Variants in CANT1 observed in about 807,000 individuals in gnomAD.
CANT1 encodes the protein calcium activated nucleotidase 1.
A neutral mutation model predicts 30.0 loss-of-function variants in CANT1; 26 were observed. The ratio of observed to expected loss-of-function variants is 0.87; its 90% CI spans 0.64 to 1.20. The LOEUF is 1.20. Among genes scored for constraint, CANT1 ranks in the 50% most tolerant of loss-of-function variants. CANT1 has a pLI of 0.00. For missense variants in CANT1, 518 were observed against 563.0 expected, an observed-to-expected ratio of 0.92 and a Z score of 0.81; for synonymous variants, 246 against 251.8, an observed-to-expected ratio of 0.98 and a Z score of 0.22.
Position 78,996,307 on chromosome 17 carries a change from C to A in CANT1, c.631+685G>T, listed in dbSNP as rs1420411329. 6.6e-6 allele frequency among the ~76,000 whole-genome samples: 1 copy of A among 152,162 alleles called. No individual in the cohort carries two copies. The highest frequency in any genetic ancestry group is 2.4e-5 in the African/African-American group (1 of 41,444). ...GGTGGGGATCCACCGCCAGCTCAGA[C>A]AAACGGAGCTCAGAGGAGCTGGCAG... On this transcript the variant is annotated intron_variant, in intron 3 of 4. Coordinates refer to ENST00000392446, the MANE Select transcript of CANT1 (RefSeq NM_001159773.2). The surrounding 1 kb of genome is among the most constrained non-coding windows in gnomAD (Gnocchi z 5.1).
chr17:78,997,120 G>C lies in CANT1; in HGVS notation c.503C>G (p.Ser168Cys), dbSNP rs1286203128. ...TTTCCCATTGAAAACAATCAGGTCG[G>C]ATAGCTCCATGCCTCTCCCCTTCTC... The part of the protein sequence containing the change: ...LAEKGRGMEL[S>C]DLIVFNGKLY... The change falls in exon 3 of 5, where the codon TCC becomes TGC. Residue 168 changes from serine to cysteine, a missense_variant. By Grantham distance (112) the Ser-to-Cys change is moderately radical. Coordinates refer to ENST00000392446, the MANE Select transcript of CANT1 (RefSeq NM_001159773.2). The surrounding 1 kb of genome is among the most constrained non-coding windows in gnomAD (Gnocchi z 7.5). The C allele has an allele frequency of 6.2e-6, 10 of 1,614,176 alleles. No homozygotes were observed. The highest frequency in any genetic ancestry group is 8.5e-6 in the Non-Finnish European group (10 of 1,180,046).
In CANT1 at chr17:78,998,450, G is replaced by A. The variant is rs958984931; in HGVS notation, c.-146-487C>T. ...CTGCCCTGACTGCCTGGAGGCCAGC[G>A]TGTCTGTGCCTTGGCGCCAAAGAAC... On this transcript the variant is annotated intron_variant, in intron 1 of 4. Coordinates refer to ENST00000392446, the MANE Select transcript of CANT1 (RefSeq NM_001159773.2). This position sits in a 1 kb window ranked among gnomAD's most constrained non-coding sequence, Gnocchi z 4.5. 6.6e-6 allele frequency among the ~76,000 whole-genome samples: 1 copy of A among 152,252 alleles called. No homozygotes were observed. Among genetic ancestry groups the A allele is most frequent in the Admixed American group, 6.5e-5 (1 of 15,288 alleles).
rs981608053 is a variant in CANT1 at position 78,993,415 on chromosome 17, C to T, written c.*135G>A. 1 of 1,341,030 alleles carries T rather than the reference C, an allele frequency of 7.5e-7. No individual in the cohort carries two copies. The highest frequency in any genetic ancestry group is 1.0e-6 in the Non-Finnish European group (1 of 963,346). The allele number at this position is 1,341,030 out of a possible 1,614,324, so 83.1% of individuals were successfully genotyped here. On this transcript the variant is annotated 3_prime_UTR_variant, in exon 5 of 5. Coordinates refer to ENST00000392446, the MANE Select transcript of CANT1 (RefSeq NM_001159773.2). The surrounding 1 kb of genome is among the most constrained non-coding windows in gnomAD (Gnocchi z 4.5). ...GTCCAGTGCCCGCACCACTATGGGG[C>T]CCGGGACTGGGCTCCCTGTCCAGAC...
chr17:79,005,358 C>T (rs974549938), intron 1 of CANT1: 2 of 152,160 alleles, frequency 1.3e-5, no homozygotes, highest in Admixed American at 1.3e-4. Flanking sequence ...GAGAAGGGCT[C>T]AGGGGCCACC....
chr17:79,001,076 C>T (rs1257191668), intron 1 of CANT1, among the ~76,000 whole-genome samples: 1 of 152,194 alleles, frequency 6.6e-6, no homozygotes, highest in Non-Finnish European at 1.5e-5. Context: ...CCCCAAAGAT[C>T]GAGCTGCTCA....
intron 1 of CANT1, among the ~76,000 whole-genome samples, chr17:79,009,092 C>T (rs1331666055): frequency 6.7e-6 from 1 of 149,562 alleles, no homozygotes; most frequent in African/African-American, 2.5e-5. Context: ...CTAGCCAGAG[C>T]GGGGAGGCGT....
chr17:78,994,795 C>A (rs999982320), intron 4 of CANT1, among the ~76,000 whole-genome samples: 2 of 152,224 alleles, frequency 1.3e-5, no homozygotes, highest in Non-Finnish European at 2.9e-5. Flanking sequence ...TGGTGCACAC[C>A]TGTAGTCCCA....
chr17:78,997,282 T>G lies in CANT1; in HGVS notation c.341A>C (p.Asp114Ala). Reference sequence around the variant, plus strand: ...TTCCTCTTGGGCCCTTGACTCTGTGTCCAGGTCTGCGATAACTGCGATTCG... The same window carrying G: ...TTCCTCTTGGGCCCTTGACTCTGTGGCCAGGTCTGCGATAACTGCGATTCG... The part of the protein sequence containing the change: ...RYRIAVIADL[D>A]TESRAQEENT... The change falls in exon 3 of 5, where the codon GAC (aspartate) becomes GCC (alanine). Residue 114 changes from aspartate (D) to alanine (A), a missense_variant. Asp to Ala is a moderately radical substitution (Grantham distance 126). This residue lies in a region of CANT1 where 249 missense variants were observed against 268.8 expected (regional missense o/e 0.93). Transcript: ENST00000392446. This position sits in a 1 kb window ranked among gnomAD's most constrained non-coding sequence, Gnocchi z 7.5. 2 of 1,614,206 alleles carry G rather than the reference T, an allele frequency of 1.2e-6. No individual in the cohort carries two copies. Among genetic ancestry groups the G allele is most frequent in the Non-Finnish European group, 1.7e-6 (2 of 1,180,036 alleles).
At position 79,001,569 on chromosome 17, in the gene CANT1, G is replaced by A. The variant is rs552726494; in HGVS notation, c.-146-3606C>T. Among the ~76,000 whole-genome samples, 25 of 91,290 alleles carry A rather than the reference G, an allele frequency of 2.7e-4. No homozygotes were observed. In the South Asian group the frequency reaches 0.012, roughly 43 times the overall value. 59.9% of individuals were successfully genotyped at this position (91,290 alleles called of 152,430 possible). ...GGCACCTCTGTCCCTTCCCACCCCC[G>A]CCCAGGCCCCCTCGCCCACCATGGT... On this transcript the variant is annotated intron_variant, in intron 1 of 4. Coordinates refer to ENST00000392446, the MANE Select transcript of CANT1 (RefSeq NM_001159773.2).
intron 1 of CANT1, among the ~76,000 whole-genome samples, chr17:79,007,867 T>A (rs1314775112): frequency 6.6e-6 from 1 of 152,222 alleles, no homozygotes; most frequent in Non-Finnish European, 1.5e-5. Context: ...AAGCCTCAGA[T>A]GTGCCCCTCC....
chr17:78,995,007 G>A lies in CANT1; in HGVS notation c.835+11C>T. 6.4e-7 allele frequency: 1 copy of A among 1,556,668 alleles called. No individual in the cohort carries two copies. The highest frequency in any genetic ancestry group is 8.7e-7 in the Non-Finnish European group (1 of 1,151,862). ...GAAGCCACACTGTGGGCTGGGGCAG[G>A]CGTCTCTTACCTGGCGGCTGGATGC... On this transcript the variant is annotated intron_variant, in intron 4 of 4. Transcript: ENST00000392446. The surrounding 1 kb of genome is among the most constrained non-coding windows in gnomAD (Gnocchi z 5.7).
rs1195230756 is a variant in CANT1, at chr17:78,997,140, C to G, written c.483G>C (p.Lys161Asn). The change falls in exon 3 of 5, where the codon AAG (lysine) becomes AAC (asparagine). Residue 161 changes from lysine to asparagine, a missense_variant. Physicochemically the swap from Lys to Asn is moderately conservative, Grantham distance 94. Coordinates refer to ENST00000392446, the MANE Select transcript of CANT1 (RefSeq NM_001159773.2). The surrounding 1 kb of genome is among the most constrained non-coding windows in gnomAD (Gnocchi z 7.5). Reference protein sequence around the residue: ...HGVLESHLAEKGRGMELSDLI... With the variant: ...HGVLESHLAENGRGMELSDLI... ...GGTCGGATAGCTCCATGCCTCTCCC[C>G]TTCTCCGCCAGGTGGGACTCCAGGA... 1.6e-5 allele frequency: 26 copies of G among 1,614,100 alleles called. No individual in the cohort carries two copies. The highest frequency in any genetic ancestry group is 2.2e-5 in the Non-Finnish European group (26 of 1,180,066).
chr17:78,992,336 G>A lies in CANT1; in HGVS notation c.*1214C>T, dbSNP rs932354249. 3 of 242,566 alleles carry A rather than the reference G, an allele frequency of 1.2e-5. No individual in the cohort carries two copies. Among genetic ancestry groups the A allele is most frequent in the East Asian group, 6.0e-5 (1 of 16,746 alleles). 15.0% of individuals were successfully genotyped at this position (242,566 alleles called of 1,614,324 possible). ...TGGGGTAGGAGTGAGGGTGGGGGTC[G>A]GGGTGAGGTAGTGCTGTGGGGAGGG... is the stretch of plus-strand genomic sequence containing the variant. On this transcript the variant is annotated 3_prime_UTR_variant, in exon 5 of 5. Transcript: ENST00000392446.
Position 79,001,866 on chromosome 17 carries a change from C to CG in CANT1, c.-146-3904_-146-3903insC, listed in dbSNP as rs543360863. The stretch of plus-strand genomic sequence containing the variant: ...GTCTCTGAGCCTCCTCATCCGATAC[C>CG]CACAGGCACCGCAAACCAGGTCCTC... On this transcript the variant is annotated intron_variant, in intron 1 of 4. Coordinates refer to ENST00000392446, the MANE Select transcript of CANT1 (RefSeq NM_001159773.2). 7.9e-5 allele frequency among the ~76,000 whole-genome samples: 12 copies of CG among 152,262 alleles called. No individual in the cohort carries two copies. In the South Asian group the frequency reaches 2.5e-3, roughly 32 times the overall value.
At position 78,997,655 on chromosome 17, in the gene CANT1, A is replaced by ACCT; in HGVS notation, c.-22-12_-22-11insAGG. On this transcript the variant is annotated splice_polypyrimidine_tract_variant and intron_variant, in intron 2 of 4. Coordinates refer to ENST00000392446, the MANE Select transcript of CANT1 (RefSeq NM_001159773.2). The surrounding 1 kb of genome is among the most constrained non-coding windows in gnomAD (Gnocchi z 7.5). Reference sequence around the variant, plus strand: ...ACAGACAGGCGGGACCTGCACAGCCAGGGAGGGAGGAGAGGAGTCAGCGCC... The same window carrying ACCT: ...ACAGACAGGCGGGACCTGCACAGCCACCTGGGAGGGAGGAGAGGAGTCAGCGCC... 6.5e-7 allele frequency: 1 copy of ACCT among 1,530,974 alleles called. No homozygotes were observed. Among genetic ancestry groups the ACCT allele is most frequent in the African/African-American group, 1.4e-5 (1 of 72,342 alleles). 94.8% of individuals were successfully genotyped at this position (1,530,974 alleles called of 1,614,324 possible). A position where few individuals can be genotyped will look rare whatever the true frequency, so the allele number is the denominator to read the frequency against.
rs775372185 is a variant in CANT1 at position 78,997,323 on chromosome 17, C to T, written c.300G>A (p.Pro100=). Residue 100 remains proline, a synonymous_variant, in exon 3 of 5, where the codon CCG becomes CCA. Transcript: ENST00000392446. The surrounding 1 kb of genome is among the most constrained non-coding windows in gnomAD (Gnocchi z 7.5). The part of the protein sequence containing the change: ...TYPLSPPQRT[P]AGIRYRIAVI... ...CTGCGATTCGATACCGAATCCCAGC[C>T]GGTGTCCTTTGTGGGGGAGACAGGG... The T allele has an allele frequency of 2.4e-5, 38 of 1,613,908 alleles. No individual in the cohort carries two copies. The highest frequency in any genetic ancestry group is 3.3e-5 in the Admixed American group (2 of 59,994).
rs1434905530 is a variant in CANT1 at position 78,995,571 on chromosome 17, G to A, written c.632-350C>T. On this transcript the variant is annotated intron_variant, in intron 3 of 4. Coordinates refer to ENST00000392446, the MANE Select transcript of CANT1 (RefSeq NM_001159773.2). The surrounding 1 kb of genome is among the most constrained non-coding windows in gnomAD (Gnocchi z 5.7). ...CCAGGGGAGTGCGGGTGCTGCCCTCGGCCACACCTGAGGTCTCACCGAGCA... is the reference window on the plus strand; with the variant it reads ...CCAGGGGAGTGCGGGTGCTGCCCTCAGCCACACCTGAGGTCTCACCGAGCA... 6.6e-6 allele frequency among the ~76,000 whole-genome samples: 1 copy of A among 152,204 alleles called. No homozygotes were observed. The highest frequency in any genetic ancestry group is 1.5e-5 in the Non-Finnish European group (1 of 68,044).
chr17:78,994,869 G>A (rs986985783), intron 4 of CANT1, 149 bp downstream of exon 4: 60 of 828,008 alleles, frequency 7.2e-5, no homozygotes, highest in Admixed American at 6.8e-5. Context: ...GCAGTGAGCT[G>A]AGATCGTGCC....
chr17:79,000,206 G>A (rs1599233942), intron 1 of CANT1: 1 of 152,156 alleles, frequency 6.6e-6, no homozygotes. Context: ...TAGTGGTGAC[G>A]GGTGGCCACC....
Sources: allele counts gnomAD v4.1 joint callset (sites outside exome capture counted in the v4.1 genomes callset), GRCh38; gene constraint gnomAD v4.1.1; regional missense constraint gnomAD v4.1.1; non-coding constraint Gnocchi (gnomAD v3.1); transcripts MANE v1.5; gene names NCBI Gene and HGNC (gene_info 2026-07-23, HGNC 2026-07-21).